TLE3: variants seen among roughly 807,000 people sequenced by gnomAD.
TLE3 encodes the protein TLE family member 3, transcriptional corepressor.
TLE3 carries 14 observed loss-of-function variants against 93.0 expected under a neutral mutation model. The observed-to-expected ratio is 0.15, with a 90% confidence interval of 0.10 to 0.24. The LOEUF (loss-of-function observed/expected upper bound fraction) is 0.24. Among genes scored for constraint, TLE3 ranks in the 10% least tolerant of loss-of-function variants. The pLI, the probability that TLE3 is intolerant of heterozygous loss-of-function variation, is 1.00. For synonymous variants in TLE3, 451 were observed against 425.0 expected (o/e 1.06, Z -0.75); for missense variants, 693 against 1,046.6 (o/e 0.66, Z 4.66).
chr15:70,097,213 A>C lies in TLE3; in HGVS notation c.-415T>G. ...GGCGAGCTCGGGCCCCCTCCGGGTC[A>C]CTCAGCGGGTCGCGCCTGTAGGGGG... On this transcript the variant is annotated 5_prime_UTR_variant, in exon 1 of 20. Coordinates refer to ENST00000451782, the MANE Select transcript of TLE3 (RefSeq NM_001105192.3). 1 of 404,584 alleles carries C rather than the reference A, an allele frequency of 2.5e-6. No homozygotes were observed. Among genetic ancestry groups the C allele is most frequent in the East Asian group, 3.6e-5 (1 of 27,514 alleles). The allele number at this position is 404,584 out of a possible 1,614,324, so 25.1% of individuals were successfully genotyped here. A position where few individuals can be genotyped will look rare whatever the true frequency, so the allele number is the denominator to read the frequency against.
rs540901530 is a variant in TLE3 at position 70,059,010 on chromosome 15, G to C, written c.766-195C>G. 3.4e-3 allele frequency among the ~76,000 whole-genome samples: 511 copies of C among 152,284 alleles called. 4 individuals are homozygous for C. Among genetic ancestry groups the C allele is most frequent in the African/African-American group, 0.012 (493 of 41,548 alleles). ...TGAGGCCTAGGGAGGGTGGAAGGAT[G>C]GTCTTCCCAATGTCAAACACAAGTT... On this transcript the variant is annotated intron_variant, in intron 10 of 19. Transcript: ENST00000451782.
chr15:70,064,355 C>G, intron 8 of TLE3, 99 bp downstream of exon 8: 1 of 1,456,112 alleles, frequency 6.9e-7, no homozygotes, highest in Non-Finnish European at 9.5e-7. Flanking sequence ...GCTTTGGATA[C>G]CGACTGACTG....
intron 6 of TLE3, among the ~76,000 whole-genome samples, chr15:70,067,174 C>T (rs1347509417): frequency 1.3e-5 from 2 of 152,188 alleles, no homozygotes; most frequent in African/African-American, 2.4e-5. Flanking sequence ...GCTCCAGAGG[C>T]CCAACTTCCC....
chr15:70,059,637 G>C (rs1441747028), intron 9 of TLE3, among the ~76,000 whole-genome samples, 177 bp from the exon 10 acceptor site: 1 of 152,104 alleles, frequency 6.6e-6, no homozygotes, highest in Non-Finnish European at 1.5e-5. Context: ...GCTCAACACG[G>C]TCTCCCCGTG....
intron 18 of TLE3, 31 bp from the exon 19 acceptor site, chr15:70,051,498 T>TA: frequency 6.3e-7 from 1 of 1,584,066 alleles, no homozygotes; most frequent in South Asian, 1.2e-5. Context: ...CATGATCAGG[T>TA]TGTAGCTCAC....
At chr15:70,086,176 G>A (rs116959503) in intron 4 of TLE3, among the ~76,000 whole-genome samples, 6,875 of 152,236 alleles carry the variant, frequency 0.045, 212 homozygotes, top group Non-Finnish European at 0.069. Context: ...AGGCCAGGAA[G>A]GTTAATAGAA....
At position 70,096,927 on chromosome 15, in the gene TLE3, C is replaced by T. The variant is rs1198966417; in HGVS notation, c.-129G>A. The stretch of plus-strand genomic sequence containing the variant: ...AACCGAGAGCTCGCCCCCGGCCCCC[C>T]CAGCTCGTTCTCGCAGCGAAATCCC... On this transcript the variant is annotated 5_prime_UTR_variant, in exon 1 of 20. Coordinates refer to ENST00000451782, the MANE Select transcript of TLE3 (RefSeq NM_001105192.3). 4 of 1,046,184 alleles carry T rather than the reference C, an allele frequency of 3.8e-6. No individual in the cohort carries two copies. Among genetic ancestry groups the T allele is most frequent in the Non-Finnish European group, 5.6e-6 (4 of 708,754 alleles). 64.8% of individuals were successfully genotyped at this position (1,046,184 alleles called of 1,614,324 possible).
intron 7 of TLE3, 45 bp downstream of exon 7, chr15:70,065,969 G>GCCCACCCCAGCCCCCCC: frequency 7.7e-7 from 1 of 1,294,406 alleles, no homozygotes; most frequent in East Asian, 2.3e-5. Context: ...GAGCGCCCAT[G>GCCCACCCCAGCCCCCCC]CCCACCCCTG....
chr15:70,063,872 G>A (rs1186717345), intron 8 of TLE3, among the ~76,000 whole-genome samples: 1 of 152,208 alleles, frequency 6.6e-6, no homozygotes, highest in Non-Finnish European at 1.5e-5. Flanking sequence ...CCCAGAGCAG[G>A]GAGAAACTGC....
At chr15:70,053,447 C>G (rs2055726097) in intron 16 of TLE3, 73 bp from the exon 17 acceptor site, 7 of 1,506,394 alleles carry the variant, frequency 4.6e-6, no homozygotes. Flanking sequence ...ATCCCAGGGG[C>G]AGTCTGAGCA....
At chr15:70,053,197 T>G in intron 17 of TLE3, 30 bp downstream of exon 17, 1 of 1,598,578 alleles carries the variant, frequency 6.3e-7, no homozygotes, top group East Asian at 2.3e-5. Context: ...ACACTGCTCT[T>G]TGGGAAGGGA....
chr15:70,060,885 G>A (rs977611694), intron 8 of TLE3: 1 of 546,098 alleles, frequency 1.8e-6, no homozygotes, highest in South Asian at 1.6e-5. Flanking sequence ...CTCTTTTGCA[G>A]CTCTGCACTG....
In TLE3 at chr15:70,096,766, AT is replaced by A. The variant is rs2058587865; in HGVS notation, c.24+8del. ...AGATGCTTAAATAAACCGAGTTGCA[AT>A]TACTCACCGGATGTCTGCCCTGCGG... is the stretch of plus-strand genomic sequence containing the variant. On this transcript the variant is annotated splice_region_variant and intron_variant, in intron 1 of 19. Coordinates refer to ENST00000451782, the MANE Select transcript of TLE3 (RefSeq NM_001105192.3). 1 of 1,613,164 alleles carries A rather than the reference AT, an allele frequency of 6.2e-7. No homozygotes were observed. Among genetic ancestry groups the A allele is most frequent in the Non-Finnish European group, 8.5e-7 (1 of 1,179,658 alleles).
In TLE3 at chr15:70,049,927, T is replaced by C. The variant is rs1016370102; in HGVS notation, c.*170A>G. On this transcript the variant is annotated 3_prime_UTR_variant, in exon 20 of 20. Transcript: ENST00000451782. ...AGACACATCAATCCAGGCCCAGGAGTCCAGACTGTGACGGGGCACGTGCCC... is the reference window on the plus strand; with the variant it reads ...AGACACATCAATCCAGGCCCAGGAGCCCAGACTGTGACGGGGCACGTGCCC... 2.0e-5 allele frequency: 12 copies of C among 590,808 alleles called. No homozygotes were observed. In the African/African-American group the frequency reaches 2.3e-4, roughly 11 times the overall value. 36.6% of individuals were successfully genotyped at this position (590,808 alleles called of 1,614,324 possible). A position where few individuals can be genotyped will look rare whatever the true frequency, so the allele number is the denominator to read the frequency against.
rs374996293 is a variant in TLE3 at position 70,058,235 on chromosome 15, G to A, written c.975C>T (p.Asp325=). ...LKSNTPTPRN[D]APTPGTSTTP... is the part of the protein sequence containing the mutation. ...TCGTGCTGGTGCCTGGAGTTGGGGC[G>A]TCGTTCCTTGGGGTTGGTGTGTTGG... Residue 325 remains aspartate, a synonymous_variant, in exon 12 of 20, where the codon GAC becomes GAT. Transcript: ENST00000451782. This position sits in a 1 kb window ranked among gnomAD's most constrained non-coding sequence, Gnocchi z 4.1. 99 of 1,613,490 alleles carry A rather than the reference G, an allele frequency of 6.1e-5. No individual in the cohort carries two copies. The highest frequency in any genetic ancestry group is 3.3e-4 in the Middle Eastern group (2 of 6,082).
chr15:70,064,412 G>C (rs759638322), intron 8 of TLE3, 42 bp downstream of exon 8: 19 of 1,612,042 alleles, frequency 1.2e-5, no homozygotes, highest in Non-Finnish European at 1.6e-5. Context: ...CCTCCTCCCA[G>C]CACCCAAACA....
chr15:70,062,266 G>A (rs1415201395), intron 8 of TLE3, among the ~76,000 whole-genome samples: 3 of 152,182 alleles, frequency 2.0e-5, no homozygotes, highest in Non-Finnish European at 4.4e-5. Context: ...TGCTGCAATC[G>A]CCGGCAGAAA....
rs956850311 is a variant in TLE3 at position 70,078,507 on chromosome 15, AAATG to A, written c.235-2353_235-2350del. ...GTCTGGCACACAGTAGCTGCTCCGTAAATGTTTGGCCCAAAGAATAGTATCACTG... is the reference window on the plus strand; with the variant it reads ...GTCTGGCACACAGTAGCTGCTCCGTATTTGGCCCAAAGAATAGTATCACTG... On this transcript the variant is annotated intron_variant, in intron 4 of 19. Coordinates refer to ENST00000451782, the MANE Select transcript of TLE3 (RefSeq NM_001105192.3). 9.8e-5 allele frequency among the ~76,000 whole-genome samples: 15 copies of A among 152,386 alleles called. 1 individual carries two copies. Among genetic ancestry groups the A allele is most frequent in the Admixed American group, 2.0e-4 (3 of 15,308 alleles).
At position 70,089,945 on chromosome 15, in the gene TLE3, G is replaced by A. The variant is rs147447802; in HGVS notation, c.234+4587C>T. Among the ~76,000 whole-genome samples, 4 of 152,276 alleles carry A rather than the reference G, an allele frequency of 2.6e-5. No homozygotes were observed. The East Asian group carries it at 5.8e-4, about 22-fold the overall frequency. On this transcript the variant is annotated intron_variant, in intron 4 of 19. Coordinates refer to ENST00000451782, the MANE Select transcript of TLE3 (RefSeq NM_001105192.3). Reference sequence around the variant, plus strand: ...CAAGAGAGTTCAGAGAATGAGTCCCGAATTAGGAGCCAGGTTCCCACCCGT... The same window carrying A: ...CAAGAGAGTTCAGAGAATGAGTCCCAAATTAGGAGCCAGGTTCCCACCCGT...
Sources: gnomAD v4.1 joint callset for allele counts (sites outside exome capture counted in the v4.1 genomes callset) on GRCh38, gnomAD v4.1.1 for gene constraint, Gnocchi (gnomAD v3.1) non-coding constraint, MANE v1.5 for transcripts, NCBI Gene and HGNC (gene_info 2026-07-23, HGNC 2026-07-21) for gene names.